The following LRP1B variants were observed in gnomAD, a reference collection of about 807,000 sequenced individuals.
LRP1B encodes the protein LDL receptor related protein 1B.
In LRP1B, 217 loss-of-function variants were observed where a neutral mutation model predicts 556.6. The ratio of observed to expected loss-of-function variants is 0.39; its 90% CI spans 0.35 to 0.44. LRP1B has a LOEUF of 0.44. Among genes scored for constraint, LRP1B ranks in the 20% least tolerant of loss-of-function variants. The pLI, the probability that LRP1B is intolerant of heterozygous loss-of-function variation, is 1.00. For missense variants in LRP1B, 5,053 were observed against 5,620.8 expected (o/e 0.90, Z 3.23); for synonymous variants, 2,047 against 1,865.8 (o/e 1.10, Z -2.50).
chr2:140,506,918 G>A lies in LRP1B; in HGVS notation c.8399C>T (p.Ala2800Val), dbSNP rs747831989. 3.1e-6 allele frequency: 5 copies of A among 1,613,032 alleles called. No homozygotes were observed. Among genetic ancestry groups the A allele is most frequent in the African/African-American group, 1.3e-5 (1 of 74,982 alleles). ...GSDELSTAGC[A>V]PNNTCDENAF... The stretch of plus-strand genomic sequence containing the variant: ...ATTTTCATCACATGTATTATTGGGA[G>A]CTAAGAAAGGCATCACAAAAAATAA... The change falls in exon 53 of 91, where the codon GCT becomes GTT. Residue 2800 changes from alanine to valine, a missense_variant and splice_region_variant. Coordinates refer to ENST00000389484, the MANE Select transcript of LRP1B (RefSeq NM_018557.3).
intron 43 of LRP1B, among the ~76,000 whole-genome samples, chr2:140,571,892 A>T (rs1681335877): frequency 6.6e-6 from 1 of 151,668 alleles, no homozygotes; most frequent in Non-Finnish European, 1.5e-5. Context: ...AAGAATATTG[A>T]TTGGGGATAG....
At chr2:141,931,213 A>G (rs887231138) in intron 1 of LRP1B, among the ~76,000 whole-genome samples, 15 of 152,062 alleles carry the variant, frequency 9.9e-5, no homozygotes, top group African/African-American at 2.7e-4. Flanking sequence ...GATTCTCTAC[A>G]GTGAGCACAC....
intron 51 of LRP1B, among the ~76,000 whole-genome samples, chr2:140,510,786 C>T (rs1207049080): frequency 5.3e-5 from 8 of 152,034 alleles, no homozygotes; most frequent in Non-Finnish European, 1.0e-4. Flanking sequence ...ATGATAATGT[C>T]TTTCAAAAAA....
At chr2:140,260,707 G>A (rs1681895963) in intron 86 of LRP1B, among the ~76,000 whole-genome samples, 1 of 151,426 alleles carries the variant, frequency 6.6e-6, no homozygotes, top group African/African-American at 2.4e-5. Context: ...TTTACTTAAG[G>A]TCTTTACGCA....
intron 41 of LRP1B, among the ~76,000 whole-genome samples, chr2:140,630,088 G>T (rs572744544): frequency 6.6e-6 from 1 of 152,280 alleles, no homozygotes; most frequent in South Asian, 2.1e-4. Flanking sequence ...GGTTCTTATA[G>T]CGTGGTTGAT....
intron 7 of LRP1B, among the ~76,000 whole-genome samples, chr2:141,181,103 G>T (rs926142047): frequency 2.5e-4 from 38 of 151,826 alleles, no homozygotes; most frequent in African/African-American, 8.9e-4. Context: ...TTATTTAGGT[G>T]GGCATGTACT....
At chr2:140,665,619 G>A (rs1559041680) in intron 41 of LRP1B, among the ~76,000 whole-genome samples, 1 of 151,984 alleles carries the variant, frequency 6.6e-6, no homozygotes, top group Non-Finnish European at 1.5e-5. Context: ...AGCTTTTGGG[G>A]AACTAAATGA....
chr2:140,523,345 G>A lies in LRP1B; in HGVS notation c.8026+2499C>T, dbSNP rs545269715. On this transcript the variant is annotated intron_variant, in intron 49 of 90. Transcript: ENST00000389484. ...AAAGCATTCAATAAAATCCAATATC[G>A]CTTCATGATAACAATCCTCGACAAA... Among the ~76,000 whole-genome samples, 7 of 151,748 alleles carry A rather than the reference G, an allele frequency of 4.6e-5. No homozygotes were observed. In the South Asian group the frequency reaches 8.3e-4, roughly 18 times the overall value.
chr2:141,169,500 G>C (rs1196836915), intron 7 of LRP1B, among the ~76,000 whole-genome samples: 1 of 151,730 alleles, frequency 6.6e-6, no homozygotes, highest in Non-Finnish European at 1.5e-5. Context: ...ACAGGTAATT[G>C]AAGTGAGGAG....
intron 1 of LRP1B, among the ~76,000 whole-genome samples, chr2:142,106,932 TA>T (rs1440240278): frequency 6.6e-6 from 1 of 152,118 alleles, no homozygotes; most frequent in African/African-American, 2.4e-5. Flanking sequence ...TACATGAGCA[TA>T]AAGGCATATG....
chr2:141,771,532 A>G (rs945847591), intron 2 of LRP1B, among the ~76,000 whole-genome samples: 1 of 152,222 alleles, frequency 6.6e-6, no homozygotes, highest in Admixed American at 6.5e-5. Context: ...GAAAAATCAG[A>G]AAACAATCTG....
chr2:140,480,725 A>T (rs1573986346), intron 59 of LRP1B, among the ~76,000 whole-genome samples: 1 of 152,038 alleles, frequency 6.6e-6, no homozygotes, highest in South Asian at 2.1e-4. Context: ...ACAGGCTTGA[A>T]CCACCGTGCC....
chr2:140,934,827 T>C (rs1413816261), intron 20 of LRP1B, among the ~76,000 whole-genome samples: 1 of 152,188 alleles, frequency 6.6e-6, no homozygotes, highest in Non-Finnish European at 1.5e-5. Flanking sequence ...TAAGAGCCAG[T>C]GCCCTCTTAC....
intron 66 of LRP1B, among the ~76,000 whole-genome samples, chr2:140,440,207 T>C (rs1518445): frequency 0.23 from 35,573 of 152,066 alleles, 4,504 homozygotes; most frequent in Non-Finnish European, 0.28. Context: ...CCCTTGAATG[T>C]AGCATGGGTT....
intron 20 of LRP1B, among the ~76,000 whole-genome samples, chr2:140,928,869 G>A (rs1694965342): frequency 6.6e-6 from 1 of 152,040 alleles, no homozygotes; most frequent in African/African-American, 2.4e-5. Context: ...GCAGGAAAGA[G>A]CTTAATTTTT....
At chr2:141,448,846 A>G (rs975344801) in intron 3 of LRP1B, among the ~76,000 whole-genome samples, 1 of 152,212 alleles carries the variant, frequency 6.6e-6, no homozygotes, top group South Asian at 2.1e-4. Context: ...CTATTTGGCC[A>G]TCTTGCCATC....
chr2:141,890,068 T>A (rs918967157), intron 1 of LRP1B, among the ~76,000 whole-genome samples: 1 of 151,188 alleles, frequency 6.6e-6, no homozygotes, highest in Non-Finnish European at 1.5e-5. Flanking sequence ...TTCTAGCTAG[T>A]CTCTGTCCCC....
intron 3 of LRP1B, among the ~76,000 whole-genome samples, chr2:141,272,764 AT>A (rs1183731638): frequency 6.6e-6 from 1 of 152,214 alleles, no homozygotes. Context: ...TCAGAAAAAA[AT>A]ACAACAATTA....
intron 63 of LRP1B, among the ~76,000 whole-genome samples, chr2:140,447,942 C>T (rs942808290): frequency 6.6e-6 from 1 of 152,000 alleles, no homozygotes; most frequent in Admixed American, 6.6e-5. Context: ...CCAGAACATA[C>T]ACAATATTTA....
Sources: allele counts gnomAD v4.1 joint callset (sites outside exome capture counted in the v4.1 genomes callset), GRCh38; gene constraint gnomAD v4.1.1; transcripts MANE v1.5; gene names NCBI Gene and HGNC (gene_info 2026-07-23, HGNC 2026-07-21).